Variants in SEMA4F observed in about 807,000 individuals in gnomAD.
SEMA4F encodes the protein ssemaphorin 4F.
Under a neutral mutation model 78.4 loss-of-function variants are expected in SEMA4F, and 51 were observed. The observed-to-expected ratio is 0.65, with a 90% confidence interval of 0.52 to 0.82. The LOEUF (loss-of-function observed/expected upper bound fraction) is 0.82, where lower values mean the gene tolerates loss of function less well. Among genes scored for constraint, SEMA4F ranks in the 40% least tolerant of loss-of-function variants. The probability of loss-of-function intolerance (pLI) is 0.00; values close to 1 mark genes in which losing one functional copy is unlikely to be tolerated. For synonymous variants in SEMA4F, 418 were observed against 408.7 expected, an observed-to-expected ratio of 1.02 and a Z score of -0.27; for missense variants, 938 against 1,014.4, an observed-to-expected ratio of 0.92 and a Z score of 1.02.
chr2:74,679,723 C>T lies in SEMA4F; in HGVS notation c.1827C>T (p.Pro609=), dbSNP rs141881738. The part of the protein sequence containing the change: ...HQPSGVTALT[P]RRDGLEVVVT... Reference sequence around the variant, plus strand: ...CCAGTGGAGTGACTGCACTCACCCCCCGGCGGGATGGACTGGAGGTGGTGG... The same window carrying T: ...CCAGTGGAGTGACTGCACTCACCCCTCGGCGGGATGGACTGGAGGTGGTGG... The change falls in exon 14 of 14, where the codon CCC becomes CCT. Residue 609 remains proline (P), a synonymous_variant. Coordinates refer to ENST00000357877, the MANE Select transcript of SEMA4F (RefSeq NM_004263.5). 9 of 1,614,058 alleles carry T rather than the reference C, an allele frequency of 5.6e-6. No homozygotes were observed. The South Asian group carries it at 8.8e-5, about 16-fold the overall frequency.
chr2:74,668,474 TA>T (rs761464045), intron 5 of SEMA4F, among the ~76,000 whole-genome samples: 1 of 152,034 alleles, frequency 6.6e-6, no homozygotes, highest in African/African-American at 2.4e-5. Flanking sequence ...ATTTTTTTTT[TA>T]AAAAATATCC....
chr2:74,654,994 G>A (rs2104899510), intron 1 of SEMA4F, among the ~76,000 whole-genome samples: 1 of 152,214 alleles, frequency 6.6e-6, no homozygotes, highest in Admixed American at 6.5e-5. Flanking sequence ...TTCTACTCCA[G>A]CTTTCCATTC....
chr2:74,657,616 A>G lies in SEMA4F; in HGVS notation c.349A>G (p.Lys117Glu). ...CAGACAGAACTGTAGGAAGAAAGGC[A>G]AGAAAGAGGTAGGTGTAAATCTGAG... The part of the protein sequence containing the change: ...AHRQNCRKKG[K>E]KEDECHNFVQ... Residue 117 changes from lysine to glutamate, a missense_variant, in exon 3 of 14, where the codon AAG becomes GAG. Physicochemically the swap from Lys to Glu is moderately conservative, Grantham distance 56. Coordinates refer to ENST00000357877, the MANE Select transcript of SEMA4F (RefSeq NM_004263.5). 1 of 1,614,174 alleles carries G rather than the reference A, an allele frequency of 6.2e-7. No homozygotes were observed. The highest frequency in any genetic ancestry group is 8.5e-7 in the Non-Finnish European group (1 of 1,179,998).
At position 74,673,580 on chromosome 2, in the gene SEMA4F, G is replaced by T. The variant is rs1685101554; in HGVS notation, c.670+4G>T. 1 of 1,614,138 alleles carries T rather than the reference G, an allele frequency of 6.2e-7. No individual in the cohort carries two copies. Among genetic ancestry groups the T allele is most frequent in the African/African-American group, 1.3e-5 (1 of 75,042 alleles). ...ACCTTGCCTTCCTGGCTGAACGGTG[G>T]GGAGAGGGAGAGGGGTCCTCTGGGG... On this transcript the variant is annotated splice_donor_region_variant and intron_variant, in intron 6 of 13. Coordinates refer to ENST00000357877, the MANE Select transcript of SEMA4F (RefSeq NM_004263.5).
At chr2:74,704,261 C>G in the SEMA4F span, among the ~76,000 whole-genome samples, 1 of 150,734 alleles carries the variant, frequency 6.6e-6, no homozygotes, top group Non-Finnish European at 1.5e-5. Flanking sequence ...TCCTCATTCT[C>G]CATGTAGAAT....
chr2:74,665,429 C>T (rs1380932940), intron 5 of SEMA4F, among the ~76,000 whole-genome samples: 2 of 151,948 alleles, frequency 1.3e-5, no homozygotes, highest in Non-Finnish European at 2.9e-5. Flanking sequence ...TGGGGTTTCA[C>T]TGTGTTAGTC....
chr2:74,677,974 T>C (rs2105013470), intron 12 of SEMA4F, among the ~76,000 whole-genome samples: 1 of 152,348 alleles, frequency 6.6e-6, no homozygotes, highest in African/African-American at 2.4e-5. Context: ...AAGTGTAAAA[T>C]CTTATGCCGT....
Position 74,673,545 on chromosome 2 carries a change from T to A in SEMA4F, c.639T>A (p.Ile213=). 4 of 1,614,088 alleles carry A rather than the reference T, an allele frequency of 2.5e-6. No individual in the cohort carries two copies. Among genetic ancestry groups the A allele is most frequent in the Non-Finnish European group, 3.4e-6 (4 of 1,180,014 alleles). The part of the protein sequence containing the change: ...TRAVGRAEDW[I]RTDTLPSWLN... ...CAGTGGGTCGTGCCGAGGACTGGAT[T>A]CGGACAGATACCTTGCCTTCCTGGC... Residue 213 remains isoleucine, a synonymous_variant, in exon 6 of 14, where the codon ATT becomes ATA. Transcript: ENST00000357877.
chr2:74,673,869 C>A (rs369669731), intron 7 of SEMA4F, 41 bp downstream of exon 7: 2 of 1,591,640 alleles, frequency 1.3e-6, no homozygotes, highest in Admixed American at 1.7e-5. Context: ...ATCTCCTGCT[C>A]TGTCTGTCCC....
At chr2:74,707,158 A>T in the SEMA4F span, among the ~76,000 whole-genome samples, 1 of 152,240 alleles carries the variant, frequency 6.6e-6, no homozygotes, top group Admixed American at 6.5e-5. Context: ...CAAAATTTGA[A>T]TGTAGGCTAT....
At chr2:74,666,508 T>G (rs924628477) in intron 5 of SEMA4F, among the ~76,000 whole-genome samples, 8 of 152,192 alleles carry the variant, frequency 5.3e-5, no homozygotes, top group African/African-American at 1.7e-4. Context: ...AATGGTTAGC[T>G]TCAGTTAATG....
At chr2:74,657,067 A>G (rs911763129) in intron 2 of SEMA4F, among the ~76,000 whole-genome samples, 10 of 152,204 alleles carry the variant, frequency 6.6e-5, no homozygotes, top group Non-Finnish European at 1.3e-4. Context: ...AAAATTCAAA[A>G]TACTCCAAAA....
intron 5 of SEMA4F, among the ~76,000 whole-genome samples, chr2:74,669,717 C>T (rs1274583466): frequency 6.6e-6 from 1 of 152,076 alleles, no homozygotes; most frequent in Non-Finnish European, 1.5e-5. Context: ...AATTTTAAAC[C>T]CCCAGGCTGT....
At chr2:74,689,109 A>G in the SEMA4F span, among the ~76,000 whole-genome samples, 1 of 152,016 alleles carries the variant, frequency 6.6e-6, no homozygotes, top group Non-Finnish European at 1.5e-5. Flanking sequence ...CATTCTACTG[A>G]CCTCTCTTCT....
chr2:74,680,403 T>G lies in SEMA4F; in HGVS notation c.*194T>G. 2 of 566,936 alleles carry G rather than the reference T, an allele frequency of 3.5e-6. No individual in the cohort carries two copies. The highest frequency in any genetic ancestry group is 2.9e-6 in the Non-Finnish European group (1 of 341,584). 35.1% of individuals were successfully genotyped at this position (566,936 alleles called of 1,614,324 possible). The stretch of plus-strand genomic sequence containing the variant: ...GGCCAGACCTTTGCCTGATTCCTGA[T>G]TCCCATGAGAAATCAGAACTGCTTT... On this transcript the variant is annotated 3_prime_UTR_variant, in exon 14 of 14. Coordinates refer to ENST00000357877, the MANE Select transcript of SEMA4F (RefSeq NM_004263.5).
chr2:74,701,613 G>A, the SEMA4F span, among the ~76,000 whole-genome samples: 3 of 152,156 alleles, frequency 2.0e-5, no homozygotes, highest in Non-Finnish European at 2.9e-5. Context: ...AGCACCTCTC[G>A]TTGTTTGTAG....
chr2:74,707,972 C>T, the SEMA4F span, among the ~76,000 whole-genome samples: 2 of 152,040 alleles, frequency 1.3e-5, no homozygotes, highest in East Asian at 1.9e-4. Context: ...TTAGAAGCAG[C>T]GCTGCTCAGT....
Position 74,679,273 on chromosome 2 carries a change from T to C in SEMA4F, c.1644-3T>C, listed in dbSNP as rs751593705. On this transcript the variant is annotated splice_polypyrimidine_tract_variant and splice_region_variant and intron_variant, in intron 12 of 13. Coordinates refer to ENST00000357877, the MANE Select transcript of SEMA4F (RefSeq NM_004263.5). ...GATTTACCAAGCATTCTCTTCTTTA[T>C]AGGTTGGTCCAAGACATAGAGTCAG... The C allele has an allele frequency of 1.9e-6, 3 of 1,610,298 alleles. No homozygotes were observed. Among genetic ancestry groups the C allele is most frequent in the African/African-American group, 1.3e-5 (1 of 74,838 alleles).
rs1410698896 is a variant in SEMA4F at position 74,675,308 on chromosome 2, AGCCTATCTCAGAGTCGTG to A, written c.1300_1317del (p.Tyr434_Ala439del). ...ACCCCCTGCTGGTCACTACAGATAC[AGCCTATCTCAGAGTCGTG>A]GCCCACAGGGTGACCAGCCTCTCAG... On this transcript the variant is annotated inframe_deletion, in exon 10 of 14. Coordinates refer to ENST00000357877, the MANE Select transcript of SEMA4F (RefSeq NM_004263.5). The A allele has an allele frequency of 2.5e-6, 4 of 1,614,182 alleles. No homozygotes were observed. In the East Asian group the frequency reaches 8.9e-5, roughly 36 times the overall value.
Sources: allele counts gnomAD v4.1 joint callset (sites outside exome capture counted in the v4.1 genomes callset), GRCh38; gene constraint gnomAD v4.1.1; transcripts MANE v1.5; gene names NCBI Gene and HGNC (gene_info 2026-07-23, HGNC 2026-07-21).